PSD4: variants seen among roughly 807,000 people sequenced by gnomAD.
PSD4 encodes pleckstrin and Sec7 domain containing 4, also known as PH and SEC7 domain-containing protein 4.
Under a neutral mutation model 112.5 loss-of-function variants are expected in PSD4, and 59 were observed. The ratio of observed to expected loss-of-function variants is 0.52; its 90% CI spans 0.43 to 0.65. PSD4 has a LOEUF of 0.65. PSD4 is among the 30% of genes least tolerant of loss of function. The pLI is 0.00. For missense variants in PSD4, 1,267 were observed against 1,352.6 expected, an observed-to-expected ratio of 0.94 and a Z score of 0.99; for synonymous variants, 533 against 540.0, an observed-to-expected ratio of 0.99 and a Z score of 0.18.
chr2:113,178,444 A>C (rs1174938720), intron 1 of PSD4, among the ~76,000 whole-genome samples: 2 of 149,676 alleles, frequency 1.3e-5, no homozygotes, highest in Admixed American at 1.4e-4. Context: ...CCTCTGAAAA[A>C]ACCCAGCAAG....
chr2:113,192,466 C>T lies in PSD4; in HGVS notation c.1715C>T (p.Pro572Leu), dbSNP rs894045371. 5 of 1,614,108 alleles carry T rather than the reference C, an allele frequency of 3.1e-6. No individual in the cohort carries two copies. In the Admixed American group the frequency reaches 5.0e-5, roughly 16 times the overall value. The change falls in exon 6 of 17, where the codon CCA becomes CTA. Residue 572 changes from proline to leucine, a missense_variant. Coordinates refer to ENST00000245796, the MANE Select transcript of PSD4 (RefSeq NM_012455.3). ...QAQSPEEGQR[P>L]PAGDKLANGV... ...CAGTCCCCAGAGGAAGGCCAGAGAC[C>T]ACCAGCTGGAGACAAGCTAGCTAAT...
intron 16 of PSD4, 36 bp downstream of exon 16, chr2:113,199,262 G>GCGCCCTCTC (rs1688708978): frequency 7.0e-7 from 1 of 1,423,446 alleles, no homozygotes; most frequent in Non-Finnish European, 9.1e-7. Context: ...CCGCTGCGCA[G>GCGCCCTCTC]CGCCCTCTCC....
intron 1 of PSD4, among the ~76,000 whole-genome samples, chr2:113,174,754 AC>A (rs1373087589): frequency 6.6e-6 from 1 of 152,062 alleles, no homozygotes; most frequent in Non-Finnish European, 1.5e-5. Flanking sequence ...TGTGTAGGAA[AC>A]TAAGGCCCAC....
chr2:113,199,214 C>T lies in PSD4; in HGVS notation c.2901C>T (p.Tyr967=). 1.3e-6 allele frequency: 2 copies of T among 1,508,474 alleles called. No homozygotes were observed. Among genetic ancestry groups the T allele is most frequent in the Non-Finnish European group, 1.8e-6 (2 of 1,132,934 alleles). 93.4% of individuals were successfully genotyped at this position (1,508,474 alleles called of 1,614,324 possible). A position where few individuals can be genotyped will look rare whatever the true frequency, so the allele number is the denominator to read the frequency against. Residue 967 remains tyrosine (Y), a synonymous_variant, in exon 16 of 17, where the codon TAC becomes TAT. Coordinates refer to ENST00000245796, the MANE Select transcript of PSD4 (RefSeq NM_012455.3). ...ELEEHRLRKE[Y]LEYEKTRYET... ...AGGAGCACCGCCTGCGGAAGGAGTA[C>T]CTGGAGTACGAGGTGAGCGGCCGAG...
intron 16 of PSD4, among the ~76,000 whole-genome samples, chr2:113,200,610 C>T (rs1193185561): frequency 6.6e-6 from 1 of 152,194 alleles, no homozygotes; most frequent in African/African-American, 2.4e-5. Flanking sequence ...ATGATTTGTC[C>T]CCTCCCAGGG....
chr2:113,196,468 C>A, intron 12 of PSD4, 161 bp downstream of exon 12: 1 of 933,130 alleles, frequency 1.1e-6, no homozygotes, highest in Non-Finnish European at 1.6e-6. Context: ...TGACCATGTG[C>A]TGGATGCTGT....
chr2:113,190,356 T>C (rs1305161360), intron 5 of PSD4, among the ~76,000 whole-genome samples: 2 of 152,252 alleles, frequency 1.3e-5, no homozygotes, highest in African/African-American at 2.4e-5. Flanking sequence ...GTTTGCTTTG[T>C]TGAAGATCAG....
Position 113,199,164 on chromosome 2 carries a change from C to A in PSD4, c.2851C>A (p.Arg951=). The change falls in exon 16 of 17, where the codon CGG becomes AGG. Residue 951 remains arginine, a synonymous_variant. Transcript: ENST00000245796. ...LLDLQRNLPE[R]RGRGRELEEH... ...GGATCTACAGAGGAACCTGCCGGAGCGGCGGGGCCGTGGCCGCGAGCTGGA... is the reference window on the plus strand; with the variant it reads ...GGATCTACAGAGGAACCTGCCGGAGAGGCGGGGCCGTGGCCGCGAGCTGGA... 6.6e-7 allele frequency: 1 copy of A among 1,524,420 alleles called. No individual in the cohort carries two copies. Among genetic ancestry groups the A allele is most frequent in the Non-Finnish European group, 8.8e-7 (1 of 1,138,550 alleles). The allele number at this position is 1,524,420 out of a possible 1,614,324, so 94.4% of individuals were successfully genotyped here. A position where few individuals can be genotyped will look rare whatever the true frequency, so the allele number is the denominator to read the frequency against.
intron 2 of PSD4, among the ~76,000 whole-genome samples, chr2:113,183,917 T>C (rs1291804362): frequency 6.6e-6 from 1 of 152,210 alleles, no homozygotes; most frequent in East Asian, 1.9e-4. Context: ...AAGGGTGACC[T>C]TTGCCCCTAA....
intron 1 of PSD4, among the ~76,000 whole-genome samples, chr2:113,177,987 G>A (rs1364578518): frequency 6.6e-6 from 1 of 152,186 alleles, no homozygotes; most frequent in Non-Finnish European, 1.5e-5. Flanking sequence ...GGAGGCCAAG[G>A]TAGGTGGATC....
rs755662619 is a variant in PSD4 at position 113,197,880 on chromosome 2, C to A, written c.2591C>A (p.Thr864Lys). 1 of 1,599,608 alleles carries A rather than the reference C, an allele frequency of 6.3e-7. No homozygotes were observed. The highest frequency in any genetic ancestry group is 1.1e-5 in the South Asian group (1 of 90,374). The change falls in exon 14 of 17, where the codon ACG becomes AAG. Residue 864 changes from threonine (T) to lysine (K), a missense_variant. Thr to Lys is a moderately conservative substitution (Grantham distance 78). Transcript: ENST00000245796. Reference sequence around the variant, plus strand: ...AAGCCGCACGTCTTCCAGCTGCGCACGGCTGACTGGCGCCTCTACCTCTTC... The same window carrying A: ...AAGCCGCACGTCTTCCAGCTGCGCAAGGCTGACTGGCGCCTCTACCTCTTC... The part of the protein sequence containing the change: ...TKKPHVFQLR[T>K]ADWRLYLFQA...
chr2:113,174,779 G>A (rs1342684666), intron 1 of PSD4, among the ~76,000 whole-genome samples: 1 of 152,130 alleles, frequency 6.6e-6, no homozygotes, highest in African/African-American at 2.4e-5. Flanking sequence ...AGTCATTATT[G>A]TTATAGTGAA....
Position 113,208,960 on chromosome 2 carries a change from C to T in PSD4, c.*7545C>T, listed in dbSNP as rs1402898403. 2 of 152,194 alleles carry T rather than the reference C, an allele frequency of 1.3e-5. No individual in the cohort carries two copies. Among genetic ancestry groups the T allele is most frequent in the African/African-American group, 2.4e-5 (1 of 41,440 alleles). 9.4% of individuals were successfully genotyped at this position (152,194 alleles called of 1,614,324 possible). Reference sequence around the variant, plus strand: ...TCACTGAGCAGAGGCTGAGGGTGACCACCTTGGATCTTCCTGCAGGACACA... The same window carrying T: ...TCACTGAGCAGAGGCTGAGGGTGACTACCTTGGATCTTCCTGCAGGACACA... On this transcript the variant is annotated 3_prime_UTR_variant, in exon 17 of 17. Coordinates refer to ENST00000245796, the MANE Select transcript of PSD4 (RefSeq NM_012455.3).
chr2:113,197,813 G>A lies in PSD4; in HGVS notation c.2524G>A (p.Val842Met), dbSNP rs1363373108. Reference sequence around the variant, plus strand: ...GCAGATGGTGGATGAGCCCGTGGGGGTGCACCACTCGCTGGCCACCCCCGC... The same window carrying A: ...GCAGATGGTGGATGAGCCCGTGGGGATGCACCACTCGCTGGCCACCCCCGC... ...VGQMVDEPVGVHHSLATPATH... is the reference protein window; with the variant it reads ...VGQMVDEPVGMHHSLATPATH... Residue 842 changes from valine (V) to methionine (M), a missense_variant, in exon 14 of 17, where the codon GTG (valine) becomes ATG (methionine). Around this residue, in one of 2 missense-constraint regions of PSD4, gnomAD observed 544 missense variants for 648.6 expected, o/e 0.84. Transcript: ENST00000245796. 5 of 1,611,314 alleles carry A rather than the reference G, an allele frequency of 3.1e-6. No individual in the cohort carries two copies. The highest frequency in any genetic ancestry group is 4.2e-6 in the Non-Finnish European group (5 of 1,178,132).
intron 3 of PSD4, 92 bp downstream of exon 3, chr2:113,185,165 C>G: frequency 1.3e-6 from 2 of 1,588,710 alleles, no homozygotes; most frequent in Non-Finnish European, 1.7e-6. Context: ...ACCAACAATC[C>G]TAGGATGTGG....
intron 10 of PSD4, among the ~76,000 whole-genome samples, chr2:113,194,205 T>G (rs1688535161): frequency 1.3e-5 from 2 of 152,216 alleles, no homozygotes; most frequent in Admixed American, 1.3e-4. Flanking sequence ...CTGGGACCCC[T>G]AAAATATTTT....
In PSD4 at chr2:113,183,408, C is replaced by A; in HGVS notation, c.952C>A (p.Pro318Thr). ...DGAAISGHCT[P>T]PFPVPIYKPH... ...CGCTGCTATCAGTGGGCATTGTACC[C>A]CTCCATTCCCTGTGCCCATCTATAA... The change falls in exon 2 of 17, where the codon CCT becomes ACT. Residue 318 changes from proline (P) to threonine (T), a missense_variant. Coordinates refer to ENST00000245796, the MANE Select transcript of PSD4 (RefSeq NM_012455.3). The A allele has an allele frequency of 1.3e-6, 2 of 1,572,634 alleles. No homozygotes were observed. The highest frequency in any genetic ancestry group is 1.2e-5 in the South Asian group (1 of 83,354).
At chr2:113,199,870 G>C (rs1688725686) in intron 16 of PSD4, among the ~76,000 whole-genome samples, 1 of 152,178 alleles carries the variant, frequency 6.6e-6, no homozygotes, top group Non-Finnish European at 1.5e-5. Context: ...CTGTCGCCCA[G>C]GCTGGAGTGC....
At chr2:113,192,353 C>T (rs750659020) in intron 5 of PSD4, 27 bp from the exon 6 acceptor site, 1 of 1,607,472 alleles carries the variant, frequency 6.2e-7, no homozygotes, top group East Asian at 2.2e-5. Flanking sequence ...AACACTTGAC[C>T]CAGAGCTCCT....
Sources: allele counts gnomAD v4.1 joint callset (sites outside exome capture counted in the v4.1 genomes callset), GRCh38; gene constraint gnomAD v4.1.1; regional missense constraint gnomAD v4.1.1; transcripts MANE v1.5; gene names NCBI Gene and HGNC (gene_info 2026-07-23, HGNC 2026-07-21).